Variants in SCN4A observed in about 807,000 individuals in gnomAD.
The protein encoded by SCN4A is sodium voltage-gated channel alpha subunit 4.
In SCN4A, 83 loss-of-function variants were observed where a neutral mutation model predicts 162.0. The ratio of observed to expected loss-of-function variants is 0.51; its 90% CI spans 0.43 to 0.61. The LOEUF is 0.61. Among genes scored for constraint, SCN4A ranks in the 20% least tolerant of loss-of-function variants. The pLI, the probability that SCN4A is intolerant of heterozygous loss-of-function variation, is 0.00. For missense variants in SCN4A, 2,196 were observed against 2,462.5 expected (o/e 0.89, Z 2.29); for synonymous variants, 944 against 985.1 (o/e 0.96, Z 0.78).
intron 10 of SCN4A, among the ~76,000 whole-genome samples, chr17:63,962,915 C>T (rs1185091071): frequency 6.6e-6 from 1 of 152,196 alleles, no homozygotes; most frequent in Non-Finnish European, 1.5e-5. Flanking sequence ...ACATGGTGAC[C>T]TCTAGAGATC....
intron 18 of SCN4A, among the ~76,000 whole-genome samples, chr17:63,946,509 G>A (rs1490020581): frequency 4.1e-5 from 4 of 98,268 alleles, no homozygotes; most frequent in Admixed American, 1.5e-4. Context: ...TGCCACTTCC[G>A]CTCTCCAGGG....
intron 23 of SCN4A, 142 bp from the exon 24 acceptor site, chr17:63,942,135 G>T (rs535481153): frequency 1.2e-6 from 1 of 819,266 alleles, no homozygotes; most frequent in Non-Finnish European, 1.9e-6. Context: ...GACAGGTGAG[G>T]CTGGGCTCTC....
rs375067766 is a variant in SCN4A at position 63,951,588 on chromosome 17, T to C, written c.2689A>G (p.Met897Val). The change falls in exon 14 of 24, where the codon ATG becomes GTG. Residue 897 changes from methionine to valine, a missense_variant. By Grantham distance (21) the Met-to-Val change is conservative. Transcript: ENST00000435607. This position sits in a 1 kb window ranked among gnomAD's most constrained non-coding sequence, Gnocchi z 4.5. ...GATGGGGGGCCGTCAGCCAGGCCCA[T>C]GTGGTTCAGGATGTGATTGTCCTTC... ...LKKDNHILNH[M>V]GLADGPPSSL... 17 of 1,613,906 alleles carry C rather than the reference T, an allele frequency of 1.1e-5. No homozygotes were observed. The highest frequency in any genetic ancestry group is 9.9e-5 in the South Asian group (9 of 91,084).
intron 10 of SCN4A, 47 bp from the exon 11 acceptor site, chr17:63,961,478 C>T (rs760765883): frequency 7.2e-7 from 1 of 1,384,782 alleles, no homozygotes; most frequent in Non-Finnish European, 1.0e-6. Context: ...TATCCCCTCA[C>T]GTGCCCCCGG....
intron 5 of SCN4A, among the ~76,000 whole-genome samples, chr17:63,970,287 AG>A (rs1439934879): frequency 6.6e-6 from 1 of 152,144 alleles, no homozygotes; most frequent in Non-Finnish European, 1.5e-5. Context: ...AGGGGCTGTG[AG>A]GGCCTTACAG....
rs763493738 is a variant in SCN4A at position 63,940,998 on chromosome 17, C to T, written c.5284G>A (p.Gly1762Arg). Residue 1762 changes from glycine (G) to arginine (R), a missense_variant, in exon 24 of 24, where the codon GGG (glycine) becomes AGG (arginine). Coordinates refer to ENST00000435607, the MANE Select transcript of SCN4A (RefSeq NM_000334.4). Reference sequence around the variant, plus strand: ...CCCTCCTTCTCAGGGGCGTCATCCCCGCTGCCGTCGTGGCTGTGGCGGTAC... The same window carrying T: ...CCCTCCTTCTCAGGGGCGTCATCCCTGCTGCCGTCGTGGCTGTGGCGGTAC... ...YMYRHSHDGS[G>R]DDAPEKEGLL... is the part of the protein sequence containing the mutation. The T allele has an allele frequency of 3.2e-5, 52 of 1,613,312 alleles. No individual in the cohort carries two copies. Among genetic ancestry groups the T allele is most frequent in the East Asian group, 1.8e-4 (8 of 44,892 alleles).
In SCN4A at chr17:63,945,531, G is replaced by A. The variant is rs760366726; in HGVS notation, c.3549C>T (p.Ala1183=). The change falls in exon 19 of 24, where the codon GCC becomes GCT. Residue 1183 remains alanine (A), a synonymous_variant. Coordinates refer to ENST00000435607, the MANE Select transcript of SCN4A (RefSeq NM_000334.4). The surrounding 1 kb of genome is among the most constrained non-coding windows in gnomAD (Gnocchi z 4.4). ...TGTTGATGCAGTAGTAGAACTTGCCGGCAAACAGGTTGACACCCATGATGC... is the reference window on the plus strand; with the variant it reads ...TGTTGATGCAGTAGTAGAACTTGCCAGCAAACAGGTTGACACCCATGATGC... ...IFSIMGVNLF[A]GKFYYCINTT... 6.2e-6 allele frequency: 10 copies of A among 1,613,808 alleles called. No homozygotes were observed. In the East Asian group the frequency reaches 6.7e-5, roughly 11 times the overall value.
At chr17:63,964,768 G>T in intron 8 of SCN4A, 91 bp from the exon 9 acceptor site, 2 of 977,222 alleles carry the variant, frequency 2.0e-6, no homozygotes, top group Non-Finnish European at 1.6e-6. Flanking sequence ...TGCCCGCATG[G>T]GTAAGCAGAG....
At chr17:63,948,298 A>G (rs1272727379) in intron 16 of SCN4A, among the ~76,000 whole-genome samples, 1 of 152,142 alleles carries the variant, frequency 6.6e-6, no homozygotes, top group Non-Finnish European at 1.5e-5. Context: ...GCAAATTGCC[A>G]TCATCTGCTG....
chr17:63,970,026 T>C (rs1415979319), intron 5 of SCN4A, among the ~76,000 whole-genome samples: 1 of 152,212 alleles, frequency 6.6e-6, no homozygotes, highest in Non-Finnish European at 1.5e-5. Flanking sequence ...TCTCCTTTAC[T>C]GGGAGAGAAT....
rs371899687 is a variant in SCN4A at position 63,940,760 on chromosome 17, G to A, written c.*11C>T. The A allele has an allele frequency of 4.3e-5, 66 of 1,548,766 alleles. 1 individual carries two copies. In the East Asian group the frequency reaches 6.6e-4, roughly 15 times the overall value. On this transcript the variant is annotated 3_prime_UTR_variant, in exon 24 of 24. Coordinates refer to ENST00000435607, the MANE Select transcript of SCN4A (RefSeq NM_000334.4). ...ATGCCGAGACTCAGTGGGCCACCCC[G>A]ATGCTGCCTGCTAGACAAGAGACTC... is the stretch of plus-strand genomic sequence containing the variant.
Position 63,951,332 on chromosome 17 carries a change from G to A in SCN4A, c.2853+92C>T. 1.1e-6 allele frequency: 1 copy of A among 870,666 alleles called. No homozygotes were observed. Among genetic ancestry groups the A allele is most frequent in the Non-Finnish European group, 1.8e-6 (1 of 564,894 alleles). The allele number at this position is 870,666 out of a possible 1,614,324, so 53.9% of individuals were successfully genotyped here. ...AGGGCACCACCCCCATTTTACAGCT[G>A]GAGAAACTGAGGCTCAGAGAGGACT... is the stretch of plus-strand genomic sequence containing the variant. On this transcript the variant is annotated intron_variant, in intron 14 of 23. Transcript: ENST00000435607. This position sits in a 1 kb window ranked among gnomAD's most constrained non-coding sequence, Gnocchi z 4.5.
chr17:63,947,295 G>A, intron 17 of SCN4A, 128 bp from the exon 18 acceptor site: 1 of 1,181,394 alleles, frequency 8.5e-7, no homozygotes, highest in Non-Finnish European at 1.2e-6. Context: ...CTAGTGGGTG[G>A]TCCTGTCCGG....
intron 16 of SCN4A, among the ~76,000 whole-genome samples, chr17:63,948,349 G>A (rs750713235): frequency 5.3e-5 from 8 of 152,176 alleles, no homozygotes; most frequent in Non-Finnish European, 1.0e-4. Flanking sequence ...TGCGCCCCCA[G>A]TTCCCAGGGG....
chr17:63,947,937 C>T lies in SCN4A; in HGVS notation c.3271G>A (p.Val1091Met), dbSNP rs1445626632. ...LLKWVAYGFKVYFTNAWCWLD... is the reference protein window; with the variant it reads ...LLKWVAYGFKMYFTNAWCWLD... ...CAGCACCAGGCGTTGGTGAAGTACACCTTAAAGCCGTAGGCCACCCATTTG... is the reference window on the plus strand; with the variant it reads ...CAGCACCAGGCGTTGGTGAAGTACATCTTAAAGCCGTAGGCCACCCATTTG... The change falls in exon 17 of 24, where the codon GTG becomes ATG. Residue 1091 changes from valine to methionine, a missense_variant. Physicochemically the swap from Val to Met is conservative, Grantham distance 21 (BLOSUM62 1). Coordinates refer to ENST00000435607, the MANE Select transcript of SCN4A (RefSeq NM_000334.4). 4 of 1,613,994 alleles carry T rather than the reference C, an allele frequency of 2.5e-6. No homozygotes were observed. The highest frequency in any genetic ancestry group is 3.4e-6 in the Non-Finnish European group (4 of 1,179,900).
In SCN4A at chr17:63,959,566, G is replaced by A; in HGVS notation, c.1846-128C>T. ...GGGGAAGGGGTCCAGAGCCCTGAGA[G>A]GAGCAGGAGTGGCATGCATGGCCCG... On this transcript the variant is annotated intron_variant, in intron 11 of 23. Coordinates refer to ENST00000435607, the MANE Select transcript of SCN4A (RefSeq NM_000334.4). The A allele has an allele frequency of 3.6e-6, 3 of 833,802 alleles. No homozygotes were observed. In the South Asian group the frequency reaches 4.7e-5, roughly 13 times the overall value. The allele number at this position is 833,802 out of a possible 1,614,324, so 51.7% of individuals were successfully genotyped here.
chr17:63,951,609 CCTT>C lies in SCN4A; in HGVS notation c.2665_2667del (p.Lys889del), dbSNP rs775415120. On this transcript the variant is annotated inframe_deletion, in exon 14 of 24. Coordinates refer to ENST00000435607, the MANE Select transcript of SCN4A (RefSeq NM_000334.4). The surrounding 1 kb of genome is among the most constrained non-coding windows in gnomAD (Gnocchi z 4.5). ...CCCATGTGGTTCAGGATGTGATTGT[CCTT>C]CTTCAGGTCCTCCTCGGGCGGCTCC... The C allele has an allele frequency of 1.5e-5, 24 of 1,613,788 alleles. No individual in the cohort carries two copies. Among genetic ancestry groups the C allele is most frequent in the South Asian group, 1.1e-4 (10 of 91,076 alleles).
In SCN4A at chr17:63,961,146, C is replaced by A. The variant is rs1432158660; in HGVS notation, c.1845+47G>T. 6 of 1,196,140 alleles carry A rather than the reference C, an allele frequency of 5.0e-6. 1 individual carries two copies. The highest frequency in any genetic ancestry group is 2.6e-5 in the East Asian group (1 of 38,064). 74.1% of individuals were successfully genotyped at this position (1,196,140 alleles called of 1,614,324 possible). On this transcript the variant is annotated intron_variant, in intron 11 of 23. Coordinates refer to ENST00000435607, the MANE Select transcript of SCN4A (RefSeq NM_000334.4). ...CCAGACAGCTCCACTGGGCCCTACC[C>A]CCTCCCATCCTGCCCATGAATGATC... is the stretch of plus-strand genomic sequence containing the variant.
chr17:63,961,856 C>A (rs1354286821), intron 10 of SCN4A, among the ~76,000 whole-genome samples: 1 of 150,064 alleles, frequency 6.7e-6, no homozygotes, highest in Non-Finnish European at 1.5e-5. Context: ...CCTCAAAGCC[C>A]CACCTCCTCA....
Sources: allele counts gnomAD v4.1 joint callset (sites outside exome capture counted in the v4.1 genomes callset), GRCh38; gene constraint gnomAD v4.1.1; non-coding constraint Gnocchi (gnomAD v3.1); transcripts MANE v1.5; gene names NCBI Gene and HGNC (gene_info 2026-07-23, HGNC 2026-07-21).